The following UBE3C variants were observed in gnomAD, a reference collection of about 807,000 sequenced individuals.
UBE3C encodes the protein ubiquitin protein ligase E3C.
Under a neutral mutation model 129.4 loss-of-function variants are expected in UBE3C, and 42 were observed. The ratio of observed to expected loss-of-function variants is 0.32; its 90% CI spans 0.25 to 0.42. The LOEUF is 0.42. Among genes scored for constraint, UBE3C ranks in the 10% least tolerant of loss-of-function variants. UBE3C has a pLI of 1.00. For missense variants in UBE3C, 1,049 were observed against 1,319.1 expected (o/e 0.80, Z 3.17); for synonymous variants, 510 against 492.4 (o/e 1.04, Z -0.47).
At chr7:157,161,454 CT>C (rs58211871) in intron 1 of UBE3C, among the ~76,000 whole-genome samples, 62,573 of 141,078 alleles carry the variant, frequency 0.44, 14,616 homozygotes, top group African/African-American at 0.66. Context: ...TTTGATTTTA[CT>C]TTTTTTTTTT....
intron 15 of UBE3C, chr7:157,222,908 G>A: frequency 4.3e-6 from 1 of 231,178 alleles, no homozygotes; most frequent in Non-Finnish European, 8.6e-6. Context: ...GTGGTCGGGG[G>A]TGGCCAGGGC....
intron 1 of UBE3C, 139 bp downstream of exon 1, chr7:157,139,477 C>T (rs1247689358): frequency 1.3e-6 from 1 of 747,242 alleles, no homozygotes. Flanking sequence ...GGCGGGGACT[C>T]GGGGCTTCCT....
At chr7:157,163,724 T>G in intron 1 of UBE3C, 86 bp from the exon 2 acceptor site, 10 of 1,417,444 alleles carry the variant, frequency 7.1e-6, no homozygotes, top group Non-Finnish European at 9.8e-6. Flanking sequence ...GATCTTTTTT[T>G]GGGTGAAAAC....
intron 22 of UBE3C, 94 bp downstream of exon 22, chr7:157,257,138 A>G: frequency 6.6e-7 from 1 of 1,507,858 alleles, no homozygotes; most frequent in Non-Finnish European, 9.0e-7. Flanking sequence ...CCTTTTACAT[A>G]CACTTTTGTT....
intron 2 of UBE3C, among the ~76,000 whole-genome samples, chr7:157,164,839 A>G (rs1808170210): frequency 6.6e-6 from 1 of 152,184 alleles, no homozygotes; most frequent in African/African-American, 2.4e-5. Flanking sequence ...TGTGAGGGCC[A>G]CAGAGTAATG....
At position 157,225,662 on chromosome 7, in the gene UBE3C, T is replaced by C. The variant is rs1446085933; in HGVS notation, c.2233+123T>C. 15 of 1,172,588 alleles carry C rather than the reference T, an allele frequency of 1.3e-5. No individual in the cohort carries two copies. The East Asian group carries it at 2.9e-4, about 22-fold the overall frequency. The allele number at this position is 1,172,588 out of a possible 1,614,324, so 72.6% of individuals were successfully genotyped here. On this transcript the variant is annotated intron_variant, in intron 17 of 22. Coordinates refer to ENST00000348165, the MANE Select transcript of UBE3C (RefSeq NM_014671.3). The stretch of plus-strand genomic sequence containing the variant: ...TTCCATAATGACTTAAAAACTGAAA[T>C]GTGAGGCTGGGCATGGCAGCTCACA...
chr7:157,176,682 T>G (rs1000490616), intron 5 of UBE3C, among the ~76,000 whole-genome samples: 1 of 152,218 alleles, frequency 6.6e-6, no homozygotes, highest in African/African-American at 2.4e-5. Context: ...CAGATGACTT[T>G]TAATGGTCTG....
At chr7:157,153,378 G>C (rs151162507) in intron 1 of UBE3C, among the ~76,000 whole-genome samples, 11 of 152,046 alleles carry the variant, frequency 7.2e-5, no homozygotes, top group Admixed American at 3.9e-4. Flanking sequence ...GTTAACTCTG[G>C]AACCAACTGT....
intron 4 of UBE3C, among the ~76,000 whole-genome samples, chr7:157,172,775 C>T (rs1397190312): frequency 1.3e-5 from 2 of 152,190 alleles, no homozygotes; most frequent in Non-Finnish European, 2.9e-5. Flanking sequence ...ATGTCCTGGC[C>T]TCACATACTC....
intron 22 of UBE3C, among the ~76,000 whole-genome samples, chr7:157,266,230 C>T (rs1302598025): frequency 2.6e-5 from 4 of 152,138 alleles, no homozygotes; most frequent in Non-Finnish European, 4.4e-5. Flanking sequence ...AGGAGAATGG[C>T]GTGAACCCGG....
chr7:157,248,299 GC>G, intron 18 of UBE3C, 68 bp from the exon 19 acceptor site: 1 of 1,384,524 alleles, frequency 7.2e-7, no homozygotes, highest in Non-Finnish European at 1.0e-6. Context: ...ATCAAGTTGA[GC>G]ATATGGCTCT....
At chr7:157,186,231 C>T (rs904244437) in intron 9 of UBE3C, among the ~76,000 whole-genome samples, 3 of 152,040 alleles carry the variant, frequency 2.0e-5, no homozygotes, top group African/African-American at 4.8e-5. Context: ...CGAGACCAGC[C>T]TGACCAACAT....
chr7:157,163,170 G>A (rs79062849), intron 1 of UBE3C, among the ~76,000 whole-genome samples: 27,960 of 151,828 alleles, frequency 0.18, 2,746 homozygotes, highest in East Asian at 0.35. Flanking sequence ...TGGATCAGGA[G>A]GTCAGGAGAT....
intron 17 of UBE3C, among the ~76,000 whole-genome samples, chr7:157,227,055 T>C (rs1235435602): frequency 2.0e-5 from 3 of 152,210 alleles, no homozygotes; most frequent in African/African-American, 7.2e-5. Context: ...ACCCTGGAGG[T>C]CTTTACAGCT....
chr7:157,231,564 G>A (rs1366742531), intron 18 of UBE3C: 4 of 530,202 alleles, frequency 7.5e-6, no homozygotes, highest in Non-Finnish European at 1.3e-5. Flanking sequence ...GTATTCAGAG[G>A]TGGAATCTTT....
intron 17 of UBE3C, among the ~76,000 whole-genome samples, chr7:157,226,795 C>G (rs1465147865): frequency 6.6e-6 from 1 of 151,526 alleles, no homozygotes; most frequent in African/African-American, 2.4e-5. Context: ...GTGTCATCAG[C>G]TGAGACCGAG....
At chr7:157,223,411 C>G in intron 16 of UBE3C, 60 bp downstream of exon 16, 1 of 1,423,014 alleles carries the variant, frequency 7.0e-7, no homozygotes, top group Non-Finnish European at 9.6e-7. Flanking sequence ...GAAATTAACA[C>G]ACACCCACCA....
At chr7:157,217,693 C>G (rs753459136) in intron 14 of UBE3C, among the ~76,000 whole-genome samples, 1 of 152,016 alleles carries the variant, frequency 6.6e-6, no homozygotes, top group Non-Finnish European at 1.5e-5. Flanking sequence ...AAAAATCAGC[C>G]GGGCGTGGTG....
chr7:157,222,136 A>C (rs1253654735), intron 15 of UBE3C: 1 of 152,170 alleles, frequency 6.6e-6, no homozygotes, highest in Non-Finnish European at 1.5e-5. Flanking sequence ...CTCCCAAAGT[A>C]CTACGATTAC....
Sources: allele counts gnomAD v4.1 joint callset (sites outside exome capture counted in the v4.1 genomes callset), GRCh38; gene constraint gnomAD v4.1.1; transcripts MANE v1.5; gene names NCBI Gene and HGNC (gene_info 2026-07-23, HGNC 2026-07-21).